Variants in SLC35D2 observed in about 807,000 individuals in gnomAD.
The protein encoded by SLC35D2 is solute carrier family 35 member D2, also known as nucleotide sugar transporter SLC35D2.
In SLC35D2, 43 loss-of-function variants were observed where a neutral mutation model predicts 41.8. The ratio of observed to expected loss-of-function variants is 1.03; its 90% CI spans 0.81 to 1.33. The LOEUF (loss-of-function observed/expected upper bound fraction) is 1.33. Among genes scored for constraint, SLC35D2 ranks in the 40% most tolerant of loss-of-function variants. SLC35D2 has a pLI of 0.00. For synonymous variants in SLC35D2, 150 were observed against 163.9 expected, an observed-to-expected ratio of 0.92 and a Z score of 0.65; for missense variants, 380 against 408.4, an observed-to-expected ratio of 0.93 and a Z score of 0.60.
chr9:96,350,926 T>C (rs1481415975), intron 6 of SLC35D2, 177 bp downstream of exon 6: 1 of 520,472 alleles, frequency 1.9e-6, no homozygotes, highest in Non-Finnish European at 3.5e-6. Context: ...CTGGCCAATG[T>C]GGGACCCACT....
At chr9:96,377,801 AATCAGT>A (rs1392420764) in intron 1 of SLC35D2, among the ~76,000 whole-genome samples, 1 of 152,170 alleles carries the variant, frequency 6.6e-6, no homozygotes, top group Non-Finnish European at 1.5e-5. Flanking sequence ...AGACTTAGAT[AATCAGT>A]CACCAGAAGC....
intron 8 of SLC35D2, among the ~76,000 whole-genome samples, chr9:96,342,757 T>C (rs1049104140): frequency 2.6e-5 from 4 of 152,106 alleles, no homozygotes; most frequent in Admixed American, 1.3e-4. Flanking sequence ...GGGAAGAGAA[T>C]TGGACAAGTG....
intron 8 of SLC35D2, among the ~76,000 whole-genome samples, chr9:96,338,569 A>AT (rs1216255888): frequency 6.6e-6 from 1 of 151,856 alleles, no homozygotes; most frequent in African/African-American, 2.4e-5. Context: ...AAAAAAAAAA[A>AT]AAAATACACG....
At chr9:96,367,695 T>C (rs1830529558) in intron 2 of SLC35D2, among the ~76,000 whole-genome samples, 1 of 152,064 alleles carries the variant, frequency 6.6e-6, no homozygotes, top group Non-Finnish European at 1.5e-5. Flanking sequence ...GCTGGAAGAA[T>C]TTCTTGAACC....
rs145858517 is a variant in SLC35D2, at chr9:96,324,148, C to T, written c.774G>A (p.Thr258=). Reference sequence around the variant, plus strand: ...CTGAATTGTAATAGCTGCACAGAACCGTGGAGTACATCAGCAGAAACCTGT... The same window carrying T: ...CTGAATTGTAATAGCTGCACAGAACTGTGGAGTACATCAGCAGAAACCTGT... ...CFLGFLLMYS[T]VLCSYYNSAL... Residue 258 remains threonine, a synonymous_variant, in exon 10 of 12, where the codon ACG becomes ACA. Coordinates refer to ENST00000253270, the MANE Select transcript of SLC35D2 (RefSeq NM_007001.3). 188 of 1,613,832 alleles carry T rather than the reference C, an allele frequency of 1.2e-4. No homozygotes were observed. Among genetic ancestry groups the T allele is most frequent in the African/African-American group, 6.0e-4 (45 of 75,018 alleles).
chr9:96,336,725 A>C lies in SLC35D2; in HGVS notation c.744T>G (p.Cys248Trp), dbSNP rs781229252. The C allele has an allele frequency of 1.3e-6, 2 of 1,579,708 alleles. No homozygotes were observed. Among genetic ancestry groups the C allele is most frequent in the African/African-American group, 1.3e-5 (1 of 74,420 alleles). Residue 248 changes from cysteine (C) to tryptophan (W), a missense_variant, in exon 9 of 12, where the codon TGT becomes TGG. Transcript: ENST00000253270. ...TATCTATGGTTTCTTACCCCAAAAAACAGGAAAGAAGAAACTGTAGGATAA... is the reference window on the plus strand; with the variant it reads ...TATCTATGGTTTCTTACCCCAAAAACCAGGAAAGAAGAAACTGTAGGATAA... ...VVFILQFLLS[C>W]FLGFLLMYST...
At chr9:96,326,757 G>A (rs1481967435) in intron 9 of SLC35D2, among the ~76,000 whole-genome samples, 1 of 147,788 alleles carries the variant, frequency 6.8e-6, no homozygotes, top group African/African-American at 2.5e-5. Flanking sequence ...AGTGAGCCGG[G>A]ATCGCACCAC....
chr9:96,352,693 G>A (rs1829857183), intron 4 of SLC35D2, among the ~76,000 whole-genome samples: 1 of 151,928 alleles, frequency 6.6e-6, no homozygotes, highest in Non-Finnish European at 1.5e-5. Context: ...TTCATGATGT[G>A]AACCAATACA....
chr9:96,324,805 T>G (rs898754759), intron 9 of SLC35D2, among the ~76,000 whole-genome samples: 1 of 152,158 alleles, frequency 6.6e-6, no homozygotes, highest in African/African-American at 2.4e-5. Flanking sequence ...TCCACCCGCC[T>G]TGGCCTCCCA....
intron 8 of SLC35D2, among the ~76,000 whole-genome samples, chr9:96,339,612 T>C (rs113505869): frequency 6.6e-5 from 10 of 152,294 alleles, no homozygotes; most frequent in African/African-American, 2.4e-4. Flanking sequence ...ACGTGAGTCT[T>C]TTTCACTTTG....
chr9:96,336,752 CACA>C lies in SLC35D2; in HGVS notation c.714_716del (p.Val239del), dbSNP rs1829068676. The C allele has an allele frequency of 1.3e-6, 2 of 1,586,830 alleles. No homozygotes were observed. The highest frequency in any genetic ancestry group is 8.6e-7 in the Non-Finnish European group (1 of 1,161,030). ...AGGAAAGAAGAAACTGTAGGATAAA[CACA>C]ACATTCTTCCATTGGTTGAATTCAG... On this transcript the variant is annotated inframe_deletion, in exon 9 of 12. Coordinates refer to ENST00000253270, the MANE Select transcript of SLC35D2 (RefSeq NM_007001.3).
chr9:96,357,767 A>G (rs2130960021), intron 4 of SLC35D2, among the ~76,000 whole-genome samples: 1 of 152,184 alleles, frequency 6.6e-6, no homozygotes, highest in African/African-American at 2.4e-5. Flanking sequence ...GGCTGGGCAC[A>G]GTGGCTCATT....
chr9:96,328,450 T>C (rs1256588384), intron 9 of SLC35D2, among the ~76,000 whole-genome samples: 1 of 152,196 alleles, frequency 6.6e-6, no homozygotes, highest in Non-Finnish European at 1.5e-5. Flanking sequence ...ATTATCTGTG[T>C]ACATTTGAAA....
chr9:96,350,849 T>C (rs985632303), intron 6 of SLC35D2: 1 of 338,210 alleles, frequency 3.0e-6, no homozygotes, highest in African/African-American at 2.1e-5. Flanking sequence ...AACAGTTCAC[T>C]GCTTTTTGTG....
chr9:96,324,658 T>G lies in SLC35D2; in HGVS notation c.753-489A>C, dbSNP rs971231682. On this transcript the variant is annotated intron_variant, in intron 9 of 11. Coordinates refer to ENST00000253270, the MANE Select transcript of SLC35D2 (RefSeq NM_007001.3). ...ACCTCCACCTCCTAGGTTCCAGCAATTCTCCTGCCTCAGCCTTCCAAGTAG... is the reference window on the plus strand; with the variant it reads ...ACCTCCACCTCCTAGGTTCCAGCAAGTCTCCTGCCTCAGCCTTCCAAGTAG... Among the ~76,000 whole-genome samples the G allele has an allele frequency of 2.6e-5, 4 of 151,360 alleles. No homozygotes were observed. In the South Asian group the frequency reaches 8.4e-4, roughly 32 times the overall value.
rs1040723556 is a variant in SLC35D2 at position 96,361,374 on chromosome 9, A to G, written c.280-1153T>C. 1.7e-4 allele frequency among the ~76,000 whole-genome samples: 26 copies of G among 152,228 alleles called. 1 individual carries two copies. The highest frequency in any genetic ancestry group is 2.9e-4 in the Non-Finnish European group (20 of 68,044). The stretch of plus-strand genomic sequence containing the variant: ...GGCATAGTGGTACAGCCCTAGCCCA[A>G]CAAGACTGGTGTCCCTATATGAAGA... On this transcript the variant is annotated intron_variant, in intron 3 of 11. Transcript: ENST00000253270.
chr9:96,376,434 G>A (rs972678371), intron 1 of SLC35D2, among the ~76,000 whole-genome samples: 17 of 150,774 alleles, frequency 1.1e-4, no homozygotes, highest in Non-Finnish European at 2.2e-4. Flanking sequence ...GTGAAACCCC[G>A]TCTCTACTAA....
At chr9:96,318,195 C>T (rs992794296), downstream of SLC35D2, among the ~76,000 whole-genome samples, 2 of 152,236 alleles carry the variant, frequency 1.3e-5, no homozygotes, top group Admixed American at 1.3e-4. Context: ...CACAGTGGCT[C>T]ACACCTGTAA....
chr9:96,360,738 A>G (rs1412694813), intron 3 of SLC35D2, among the ~76,000 whole-genome samples: 1 of 151,734 alleles, frequency 6.6e-6, no homozygotes, highest in African/African-American at 2.4e-5. Flanking sequence ...CAGATTAGCA[A>G]AATTTATTTA....
Sources: allele counts gnomAD v4.1 joint callset (sites outside exome capture counted in the v4.1 genomes callset), GRCh38; gene constraint gnomAD v4.1.1; transcripts MANE v1.5; gene names NCBI Gene and HGNC (gene_info 2026-07-23, HGNC 2026-07-21).